PRELID2: variants seen among roughly 807,000 people sequenced by gnomAD.
PRELID2 encodes PRELI domain containing 2.
A neutral mutation model predicts 28.4 loss-of-function variants in PRELID2; 25 were observed. That is an observed-to-expected ratio of 0.88 (90% CI 0.64 to 1.23). The LOEUF (loss-of-function observed/expected upper bound fraction) is 1.23, where lower values mean the gene tolerates loss of function less well. Among genes scored for constraint, PRELID2 ranks in the 50% most tolerant of loss-of-function variants. PRELID2 has a pLI of 0.00. For synonymous variants in PRELID2, 76 were observed against 71.6 expected, an observed-to-expected ratio of 1.06 and a Z score of -0.31; for missense variants, 201 against 214.4, an observed-to-expected ratio of 0.94 and a Z score of 0.39.
At chr5:145,499,088 A>C (rs570550313) in intron 1 of PRELID2, among the ~76,000 whole-genome samples, 3 of 152,232 alleles carry the variant, frequency 2.0e-5, no homozygotes, top group East Asian at 3.9e-4. Context: ...TCACTAGGAA[A>C]AGCTAAAAAA....
At chr5:145,514,142 A>G (rs1449773863) in intron 1 of PRELID2, among the ~76,000 whole-genome samples, 1 of 152,190 alleles carries the variant, frequency 6.6e-6, no homozygotes, top group African/African-American at 2.4e-5. Context: ...TTCACACATA[A>G]CAATATTAAC....
At chr5:145,563,371 T>C (rs1463853464) in intron 1 of PRELID2, among the ~76,000 whole-genome samples, 2 of 152,182 alleles carry the variant, frequency 1.3e-5, no homozygotes, top group South Asian at 2.1e-4. Context: ...GATCCACACA[T>C]AACTGGAGCC....
At chr5:145,241,049 A>G in the PRELID2 span, among the ~76,000 whole-genome samples, 3 of 152,144 alleles carry the variant, frequency 2.0e-5, no homozygotes, top group African/African-American at 4.8e-5. Context: ...TAAAGTATCA[A>G]TCTCTTAGGG....
chr5:145,435,988 T>G, the PRELID2 span, among the ~76,000 whole-genome samples: 1 of 152,180 alleles, frequency 6.6e-6, no homozygotes, highest in Non-Finnish European at 1.5e-5. Flanking sequence ...GTTTGTTATA[T>G]GGGAAAATTG....
chr5:145,791,600 T>C (rs939008540), intron 5 of PRELID2, among the ~76,000 whole-genome samples: 1 of 152,146 alleles, frequency 6.6e-6, no homozygotes, highest in African/African-American at 2.4e-5. Context: ...TATTGTTTAA[T>C]GGCTAAGGAG....
chr5:145,770,154 G>A (rs918133005), intron 5 of PRELID2, among the ~76,000 whole-genome samples: 6 of 152,054 alleles, frequency 3.9e-5, no homozygotes, highest in African/African-American at 9.7e-5. Context: ...ACTTGATAAC[G>A]ATGGTAAATG....
At chr5:145,236,489 G>C in the PRELID2 span, among the ~76,000 whole-genome samples, 12 of 152,204 alleles carry the variant, frequency 7.9e-5, no homozygotes, top group East Asian at 2.3e-3. Context: ...TAAATAAATT[G>C]CTGGCCTCCC....
At chr5:145,240,474 A>G in the PRELID2 span, among the ~76,000 whole-genome samples, 2 of 152,012 alleles carry the variant, frequency 1.3e-5, no homozygotes, top group Non-Finnish European at 2.9e-5. Context: ...AAATAAACAT[A>G]CTTTATAAGT....
chr5:145,639,371 TG>T (rs1754056970), intron 1 of PRELID2, among the ~76,000 whole-genome samples: 1 of 151,376 alleles, frequency 6.6e-6, no homozygotes, highest in Admixed American at 6.6e-5. Context: ...GGCAAGAGGG[TG>T]GGTGGGATCA....
intron 1 of PRELID2, among the ~76,000 whole-genome samples, chr5:145,502,362 T>C (rs1752367306): frequency 6.6e-6 from 1 of 152,082 alleles, no homozygotes; most frequent in African/African-American, 2.4e-5. Flanking sequence ...CCTCATAATC[T>C]AATCACCTTC....
intron 1 of PRELID2, among the ~76,000 whole-genome samples, chr5:145,491,658 T>C (rs1434552678): frequency 2.6e-5 from 4 of 152,258 alleles, no homozygotes; most frequent in African/African-American, 9.6e-5. Flanking sequence ...ATATTTCTCC[T>C]ATCTAACTGA....
chr5:145,535,365 G>C (rs949867509), intron 1 of PRELID2, among the ~76,000 whole-genome samples: 3 of 151,718 alleles, frequency 2.0e-5, no homozygotes, highest in African/African-American at 7.3e-5. Context: ...AGCTAATTAA[G>C]AACACAGTGA....
At chr5:145,525,895 T>A (rs187468781) in intron 1 of PRELID2, among the ~76,000 whole-genome samples, 143 of 152,266 alleles carry the variant, frequency 9.4e-4, no homozygotes, top group African/African-American at 3.2e-3. Context: ...AAAAGCAGAC[T>A]CTGCAGCAAC....
chr5:145,736,970 C>A (rs537167430), intron 1 of PRELID2, among the ~76,000 whole-genome samples: 1 of 151,662 alleles, frequency 6.6e-6, no homozygotes, highest in East Asian at 1.9e-4. Flanking sequence ...AGGAGAAGAC[C>A]TCAGGAACAA....
chr5:145,423,313 T>C, the PRELID2 span, among the ~76,000 whole-genome samples: 1 of 150,724 alleles, frequency 6.6e-6, no homozygotes. Flanking sequence ...TTCTCCTGGA[T>C]AATATCCTGC....
At chr5:145,455,224 T>C in the PRELID2 span, among the ~76,000 whole-genome samples, 1 of 152,220 alleles carries the variant, frequency 6.6e-6, no homozygotes, top group African/African-American at 2.4e-5. Context: ...CTTTCCCCAC[T>C]GCATGTTTTT....
the PRELID2 span, among the ~76,000 whole-genome samples, chr5:145,280,811 A>G: frequency 6.6e-6 from 1 of 151,836 alleles, no homozygotes; most frequent in Non-Finnish European, 1.5e-5. Flanking sequence ...ATGAAAAAAA[A>G]AAAAAACAGA....
intron 1 of PRELID2, among the ~76,000 whole-genome samples, chr5:145,701,777 C>T (rs760098673): frequency 7.1e-4 from 108 of 152,200 alleles, no homozygotes; most frequent in Admixed American, 2.2e-3. Context: ...GAAGGCCGGG[C>T]GCAGTGGCTC....
chr5:145,266,638 T>C, the PRELID2 span, among the ~76,000 whole-genome samples: 2 of 152,196 alleles, frequency 1.3e-5, no homozygotes, highest in Non-Finnish European at 2.9e-5. Flanking sequence ...TAAAGATTCC[T>C]TAAAGAACTA....
Sources: gnomAD v4.1 joint callset for allele counts (sites outside exome capture counted in the v4.1 genomes callset) on GRCh38, gnomAD v4.1.1 for gene constraint, MANE v1.5 for transcripts, NCBI Gene and HGNC (gene_info 2026-07-23, HGNC 2026-07-21) for gene names.